The following RFX3 variants were observed in gnomAD, a reference collection of about 807,000 sequenced individuals.
RFX3 encodes the protein transcription factor RFX3.
In RFX3, 14 loss-of-function variants were observed where a neutral mutation model predicts 98.6. The observed-to-expected ratio is 0.14, with a 90% CI of 0.09 to 0.22. RFX3 has a LOEUF of 0.22. Among genes scored for constraint, RFX3 ranks in the 10% least tolerant of loss-of-function variants. The probability of loss-of-function intolerance (pLI) is 1.00; values close to 1 mark genes in which losing one functional copy is unlikely to be tolerated. For missense variants in RFX3, 639 were observed against 926.9 expected, an observed-to-expected ratio of 0.69 and a Z score of 4.03; for synonymous variants, 383 against 328.4, an observed-to-expected ratio of 1.17 and a Z score of -1.80.
At chr9:3,295,512 A>G (rs1481792572) in intron 5 of RFX3, among the ~76,000 whole-genome samples, 1 of 152,124 alleles carries the variant, frequency 6.6e-6, no homozygotes, top group African/African-American at 2.4e-5. Context: ...AGAAGACACG[A>G]AAGAAAAAAA....
intron 1 of RFX3, among the ~76,000 whole-genome samples, chr9:3,410,214 TATC>T (rs1241512663): frequency 1.4e-5 from 2 of 147,438 alleles, no homozygotes; most frequent in Non-Finnish European, 3.0e-5. Context: ...TGTGTGGCGC[TATC>T]AACTAAAATG....
At chr9:3,266,483 T>C (rs541361692) in intron 11 of RFX3, among the ~76,000 whole-genome samples, 178 bp from the exon 12 acceptor site, 2 of 152,192 alleles carry the variant, frequency 1.3e-5, no homozygotes, top group South Asian at 4.1e-4. Context: ...CCAAGAATTA[T>C]ATTTTGGGCT....
chr9:3,459,565 T>C (rs1847500496), intron 1 of RFX3, among the ~76,000 whole-genome samples: 1 of 152,118 alleles, frequency 6.6e-6, no homozygotes, highest in Non-Finnish European at 1.5e-5. Context: ...TCAAAATAAA[T>C]TTTATGAATA....
intron 1 of RFX3, among the ~76,000 whole-genome samples, chr9:3,475,219 G>T (rs1214651497): frequency 6.6e-6 from 1 of 152,004 alleles, no homozygotes; most frequent in Admixed American, 6.6e-5. Flanking sequence ...ACACTGTAGG[G>T]TCCAGCCCCA....
intron 1 of RFX3, among the ~76,000 whole-genome samples, chr9:3,477,668 T>G (rs755027628): frequency 2.0e-5 from 3 of 152,178 alleles, no homozygotes; most frequent in Non-Finnish European, 4.4e-5. Context: ...ACAGTGAGCT[T>G]CTTGGATGTG....
At position 3,320,699 on chromosome 9, in the gene RFX3, T is replaced by C. The variant is rs552317928; in HGVS notation, c.474+9560A>G. The stretch of plus-strand genomic sequence containing the variant: ...TTTCATATAAATGTGTACATATGTG[T>C]GTGTGCATATATATACATACATACA... On this transcript the variant is annotated intron_variant, in intron 4 of 16. Coordinates refer to ENST00000617270, the MANE Select transcript of RFX3 (RefSeq NM_001282116.2). Among the ~76,000 whole-genome samples, 64 of 149,312 alleles carry C rather than the reference T, an allele frequency of 4.3e-4. 1 individual carries two copies. The East Asian group carries it at 1.0e-2, about 23-fold the overall frequency.
At chr9:3,379,951 G>C (rs1453470409) in intron 2 of RFX3, among the ~76,000 whole-genome samples, 1 of 151,216 alleles carries the variant, frequency 6.6e-6, no homozygotes, top group Non-Finnish European at 1.5e-5. Flanking sequence ...TTTTGAGACA[G>C]AGTTTTGCTC....
chr9:3,395,018 G>C (rs1242985135), intron 2 of RFX3: 1 of 221,868 alleles, frequency 4.5e-6, no homozygotes, highest in Admixed American at 6.5e-5. Flanking sequence ...TAATGCAAAG[G>C]CACTTTCTAA....
At chr9:3,425,248 AG>A (rs1843901358) in intron 1 of RFX3, among the ~76,000 whole-genome samples, 1 of 152,216 alleles carries the variant, frequency 6.6e-6, no homozygotes, top group African/African-American at 2.4e-5. Context: ...AGAAAAGAAA[AG>A]AAAATTTGTT....
intron 16 of RFX3, among the ~76,000 whole-genome samples, chr9:3,225,511 T>C (rs952509686): frequency 2.6e-5 from 4 of 150,990 alleles, no homozygotes; most frequent in Non-Finnish European, 5.9e-5. Flanking sequence ...TTTTGGCAAC[T>C]TGTGATTGAT....
chr9:3,464,872 C>T (rs1472156296), intron 1 of RFX3, among the ~76,000 whole-genome samples: 2 of 151,784 alleles, frequency 1.3e-5, no homozygotes, highest in African/African-American at 2.4e-5. Context: ...AGAAACAGTT[C>T]CAATTTGTTA....
intron 3 of RFX3, among the ~76,000 whole-genome samples, chr9:3,343,609 A>G (rs1299960694): frequency 6.6e-6 from 1 of 152,216 alleles, no homozygotes; most frequent in Non-Finnish European, 1.5e-5. Flanking sequence ...TTTGAGAAAA[A>G]ATACTTATGG....
intron 1 of RFX3, among the ~76,000 whole-genome samples, chr9:3,413,450 C>T (rs1254075026): frequency 4.6e-5 from 7 of 151,994 alleles, no homozygotes. Context: ...GTTTAAGTTG[C>T]TAAGAAGTGA....
At chr9:3,525,508 C>T (rs1819186735) in intron 1 of RFX3, among the ~76,000 whole-genome samples, 1 of 151,896 alleles carries the variant, frequency 6.6e-6, no homozygotes, top group Non-Finnish European at 1.5e-5. Flanking sequence ...GGGCCGGGGC[C>T]GGCGGGCGGC....
chr9:3,280,984 G>T (rs777126962), intron 7 of RFX3, among the ~76,000 whole-genome samples: 1 of 151,580 alleles, frequency 6.6e-6, no homozygotes, highest in African/African-American at 2.4e-5. Context: ...AAATATATTT[G>T]AATGAATAAA....
At chr9:3,272,523 C>T (rs1824632716) in intron 9 of RFX3, among the ~76,000 whole-genome samples, 1 of 152,102 alleles carries the variant, frequency 6.6e-6, no homozygotes, top group Admixed American at 6.6e-5. Flanking sequence ...AGACAGTCCT[C>T]AGTAACAATA....
chr9:3,267,334 T>C (rs753088411), intron 11 of RFX3, among the ~76,000 whole-genome samples: 8 of 151,920 alleles, frequency 5.3e-5, no homozygotes, highest in Admixed American at 1.3e-4. Context: ...AACACAGTTA[T>C]ATTTTGGGCC....
At chr9:3,266,149 G>T in intron 12 of RFX3, 59 bp downstream of exon 12, 1 of 1,002,406 alleles carries the variant, frequency 1.0e-6, no homozygotes, top group Non-Finnish European at 1.5e-6. Context: ...TAGATGTAAA[G>T]TTCACAATTC....
intron 5 of RFX3, among the ~76,000 whole-genome samples, chr9:3,297,770 AT>A (rs1359708567): frequency 2.5e-4 from 38 of 152,144 alleles, no homozygotes; most frequent in African/African-American, 8.7e-4. Context: ...TATTTGCTAG[AT>A]TGTGAGAAGT....
Sources: allele counts gnomAD v4.1 joint callset (sites outside exome capture counted in the v4.1 genomes callset), GRCh38; gene constraint gnomAD v4.1.1; transcripts MANE v1.5; gene names NCBI Gene and HGNC (gene_info 2026-07-23, HGNC 2026-07-21).